Variants in GSE1 observed in about 807,000 individuals in gnomAD.
GSE1 encodes Gse1 coiled-coil protein.
GSE1 carries 32 observed loss-of-function variants against 112.6 expected under a neutral mutation model. The ratio of observed to expected loss-of-function variants is 0.28; its 90% CI spans 0.21 to 0.38. The LOEUF (loss-of-function observed/expected upper bound fraction) is 0.38, where lower values mean the gene tolerates loss of function less well. GSE1 is among the 10% of genes least tolerant of loss of function. The pLI is 1.00. For synonymous variants in GSE1, 1,115 were observed against 735.6 expected (o/e 1.52, Z -8.35); for missense variants, 2,348 against 1,699.2 (o/e 1.38, Z -6.71).
rs757220999 is a variant in GSE1 at position 85,373,927 on chromosome 16, C to T, written c.2464+16284C>T. On this transcript the variant is annotated intron_variant, in intron 2 of 2. Transcript: ENST00000637419. The surrounding 1 kb of genome is among the most constrained non-coding windows in gnomAD (Gnocchi z 5.1). ...CCGCCCGGCCTCCCTCCCCGCTCCC[C>T]GCAGGCCCTGTCAGGTCAGCGGCGC... is the stretch of plus-strand genomic sequence containing the variant. 3.7e-4 allele frequency among the ~76,000 whole-genome samples: 56 copies of T among 152,210 alleles called. No homozygotes were observed. Among genetic ancestry groups the T allele is most frequent in the Non-Finnish European group, 6.6e-4 (45 of 68,040 alleles).
chr16:85,349,540 C>A (rs2046810682), intron 1 of GSE1, among the ~76,000 whole-genome samples: 1 of 152,056 alleles, frequency 6.6e-6, no homozygotes, highest in Non-Finnish European at 1.5e-5. Context: ...CCAGCAGGGG[C>A]AGGGGCCTCT....
intron 2 of GSE1, among the ~76,000 whole-genome samples, chr16:85,443,859 A>G (rs572040885): frequency 1.3e-5 from 2 of 151,908 alleles, no homozygotes; most frequent in African/African-American, 4.8e-5. Flanking sequence ...ACAGGATGAG[A>G]TCGCGCCCAC....
intron 1 of GSE1, among the ~76,000 whole-genome samples, chr16:85,614,485 CGA>C (rs1567652931): frequency 1.3e-5 from 2 of 152,072 alleles, no homozygotes; most frequent in Non-Finnish European, 2.9e-5. Context: ...GGTGGAGACT[CGA>C]GGCGCAGGCC....
rs570529076 is a variant in GSE1, at chr16:85,387,921, T to A, written c.2464+30278T>A. Among the ~76,000 whole-genome samples, 296 of 132,328 alleles carry A rather than the reference T, an allele frequency of 2.2e-3. 1 individual carries two copies. The highest frequency in any genetic ancestry group is 0.011 in the African/African-American group (278 of 26,044). The allele number at this position is 132,328 out of a possible 152,430, so 86.8% of individuals were successfully genotyped here. A position where few individuals can be genotyped will look rare whatever the true frequency, so the allele number is the denominator to read the frequency against. ...ATTTGTGAGTGGATAGGTGGGTGAG[T>A]GGATGGATGGATGGATGGATGGATG... On this transcript the variant is annotated intron_variant, in intron 2 of 2. Coordinates refer to the GSE1 transcript ENST00000637419.
chr16:85,665,074 G>A lies in GSE1; in HGVS notation c.2704G>A (p.Val902Met). ...GAAGCAGAAGGCACTGTCAGCAGCA[G>A]TGGCCGACTCCTTGACAAACTCTCC... ...AMKQKALSAAVADSLTNSPRD... is the reference protein window; with the variant it reads ...AMKQKALSAAMADSLTNSPRD... The change falls in exon 12 of 16, where the codon GTG becomes ATG. Residue 902 changes from valine to methionine, a missense_variant. Val to Met is a conservative substitution (Grantham distance 21). Transcript: ENST00000253458. 3 of 1,613,040 alleles carry A rather than the reference G, an allele frequency of 1.9e-6. No homozygotes were observed. The highest frequency in any genetic ancestry group is 2.5e-6 in the Non-Finnish European group (3 of 1,179,238).
At chr16:85,196,322 G>A (rs1041365267) in intron 1 of GSE1, among the ~76,000 whole-genome samples, 1 of 152,146 alleles carries the variant, frequency 6.6e-6, no homozygotes, top group South Asian at 2.1e-4. Flanking sequence ...TTTGTTCCAA[G>A]TTCCAACTTG....
intron 1 of GSE1, among the ~76,000 whole-genome samples, chr16:85,316,908 G>A (rs933205893): frequency 6.6e-6 from 1 of 152,202 alleles, no homozygotes; most frequent in Non-Finnish European, 1.5e-5. Context: ...GAAAAACTGA[G>A]TGGGCCACAG....
intron 1 of GSE1, among the ~76,000 whole-genome samples, chr16:85,561,499 A>G (rs1448736657): frequency 6.6e-6 from 1 of 151,996 alleles, no homozygotes; most frequent in East Asian, 1.9e-4. Flanking sequence ...CCAGCCCCAC[A>G]CTGAACTCTG....
intron 2 of GSE1, among the ~76,000 whole-genome samples, chr16:85,466,651 T>C (rs2050129474): frequency 6.6e-6 from 1 of 150,918 alleles, no homozygotes; most frequent in South Asian, 2.1e-4. Context: ...AAGGAAAGCG[T>C]GCAGAGTTTC....
chr16:85,279,317 G>C (rs1484243169), intron 1 of GSE1, among the ~76,000 whole-genome samples: 1 of 152,202 alleles, frequency 6.6e-6, no homozygotes, highest in Non-Finnish European at 1.5e-5. Context: ...ATTTAAGGTA[G>C]TGCCATGGGG....
At chr16:85,215,165 G>A (rs2075288021) in intron 1 of GSE1, among the ~76,000 whole-genome samples, 1 of 152,200 alleles carries the variant, frequency 6.6e-6, no homozygotes, top group South Asian at 2.1e-4. Flanking sequence ...ATTCTGTGGA[G>A]TCAGATCCCT....
rs772906263 is a variant in GSE1 at position 85,269,885 on chromosome 16, C to T, written c.2284-87578C>T. The stretch of plus-strand genomic sequence containing the variant: ...GCCATGTTGATGACCAAGCAGCACC[C>T]GAGGCAGCGCCGACATGTAGCTGCG... On this transcript the variant is annotated intron_variant, in intron 1 of 2. Coordinates refer to the GSE1 transcript ENST00000637419. 6.1e-4 allele frequency among the ~76,000 whole-genome samples: 91 copies of T among 149,558 alleles called. 4 individuals are homozygous for T. The highest frequency in any genetic ancestry group is 1.6e-3 in the African/African-American group (68 of 41,408).
At chr16:85,529,438 CAAAG>C (rs780954383) in intron 2 of GSE1, among the ~76,000 whole-genome samples, 2 of 152,204 alleles carry the variant, frequency 1.3e-5, no homozygotes, top group Non-Finnish European at 2.9e-5. Flanking sequence ...CAATTAAAAA[CAAAG>C]AAATTTCTTC....
intron 2 of GSE1, among the ~76,000 whole-genome samples, chr16:85,471,887 T>C (rs930284995): frequency 3.3e-5 from 5 of 152,202 alleles, no homozygotes; most frequent in Non-Finnish European, 5.9e-5. Context: ...AGCCCACATT[T>C]GTTAAGTGCC....
chr16:85,366,278 G>T (rs1377712286), intron 2 of GSE1, among the ~76,000 whole-genome samples: 1 of 152,262 alleles, frequency 6.6e-6, no homozygotes, highest in South Asian at 2.1e-4. Context: ...CGGGGGGCTG[G>T]ATTTGGCTGT....
At chr16:85,232,343 C>G (rs1005110604) in intron 1 of GSE1, among the ~76,000 whole-genome samples, 1 of 152,130 alleles carries the variant, frequency 6.6e-6, no homozygotes, top group African/African-American at 2.4e-5. Context: ...ACATCTACTC[C>G]CCTCGGACCT....
intron 2 of GSE1, among the ~76,000 whole-genome samples, chr16:85,358,576 T>G (rs2047001246): frequency 6.6e-6 from 1 of 152,204 alleles, no homozygotes; most frequent in Non-Finnish European, 1.5e-5. Context: ...AGGGGACTGC[T>G]GGGGGCCTGG....
intron 2 of GSE1, among the ~76,000 whole-genome samples, chr16:85,388,334 GGATGT>G: frequency 2.2e-5 from 2 of 92,844 alleles, no homozygotes; most frequent in Admixed American, 9.8e-5. Context: ...ATGGATGAAT[GGATGT>G]ATGGCTGGAT....
chr16:85,588,681 G>C (rs2046822627), intron 1 of GSE1, among the ~76,000 whole-genome samples: 1 of 152,224 alleles, frequency 6.6e-6, no homozygotes, highest in Admixed American at 6.5e-5. Flanking sequence ...GACTTGGCGG[G>C]CTGCATAAAT....
Sources: allele counts gnomAD v4.1 joint callset (sites outside exome capture counted in the v4.1 genomes callset), GRCh38; gene constraint gnomAD v4.1.1; non-coding constraint Gnocchi (gnomAD v3.1); transcripts MANE v1.5; gene names NCBI Gene and HGNC (gene_info 2026-07-23, HGNC 2026-07-21).